The following LUZP2 variants were observed in gnomAD, a reference collection of about 807,000 sequenced individuals.
LUZP2 encodes leucine zipper protein 2.
LUZP2 carries 52 observed loss-of-function variants against 51.6 expected under a neutral mutation model. That is an observed-to-expected ratio of 1.01 (90% CI 0.81 to 1.27). The LOEUF is 1.27. Among genes scored for constraint, LUZP2 ranks in the 50% most tolerant of loss-of-function variants. The pLI is 0.00. For synonymous variants in LUZP2, 154 were observed against 137.3 expected (o/e 1.12, Z -0.85); for missense variants, 436 against 395.4 (o/e 1.10, Z -0.87).
rs376000489 is a variant in LUZP2 at position 24,886,245 on chromosome 11, C to T, written c.397-19746C>T. Among the ~76,000 whole-genome samples, 135 of 152,202 alleles carry T rather than the reference C, an allele frequency of 8.9e-4. 6 individuals carry two copies. In the South Asian group the frequency reaches 0.027, roughly 31 times the overall value. ...AACTAATTATCTTTCTCATGACTTG[C>T]ATATTATGTTTTTCTAATTTTAAAG... On this transcript the variant is annotated intron_variant, in intron 5 of 11. Transcript: ENST00000336930.
intron 5 of LUZP2, among the ~76,000 whole-genome samples, chr11:24,876,088 G>A (rs1394309887): frequency 1.3e-5 from 2 of 151,784 alleles, no homozygotes; most frequent in Non-Finnish European, 2.9e-5. Context: ...CTTTTGCTGT[G>A]CAGAAGCTCT....
chr11:24,971,080 G>A (rs1000389204), intron 7 of LUZP2, among the ~76,000 whole-genome samples: 1 of 152,124 alleles, frequency 6.6e-6, no homozygotes, highest in African/African-American at 2.4e-5. Flanking sequence ...TCACTTATAA[G>A]TAGGAGATAA....
intron 1 of LUZP2, among the ~76,000 whole-genome samples, chr11:24,715,616 G>A (rs775077229): frequency 6.6e-6 from 1 of 151,964 alleles, no homozygotes; most frequent in Non-Finnish European, 1.5e-5. Flanking sequence ...CATCCTATGC[G>A]TCATTCAAGG....
chr11:24,526,041 C>A (rs777314981), intron 1 of LUZP2, among the ~76,000 whole-genome samples: 1 of 151,432 alleles, frequency 6.6e-6, no homozygotes, highest in Middle Eastern at 3.4e-3. Flanking sequence ...GAGGTACTTT[C>A]AATATTTTTT....
chr11:25,058,585 G>T (rs1374965111), intron 10 of LUZP2, among the ~76,000 whole-genome samples: 10 of 152,078 alleles, frequency 6.6e-5, no homozygotes, highest in Non-Finnish European at 1.5e-4. Flanking sequence ...CTTGTATTTT[G>T]ATTATTTGTA....
intron 5 of LUZP2, among the ~76,000 whole-genome samples, chr11:24,832,360 A>C (rs1486728): frequency 0.34 from 52,195 of 151,742 alleles, 9,231 homozygotes; most frequent in African/African-American, 0.4. Context: ...ATAGTCTTGC[A>C]CGCTTACAGG....
chr11:24,882,296 A>G (rs1475832218), intron 5 of LUZP2, among the ~76,000 whole-genome samples: 1 of 151,888 alleles, frequency 6.6e-6, no homozygotes, highest in African/African-American at 2.4e-5. Context: ...AATCTTTTTA[A>G]AAGAATTTTG....
At chr11:24,640,332 C>T (rs1303795206) in intron 1 of LUZP2, among the ~76,000 whole-genome samples, 1 of 151,836 alleles carries the variant, frequency 6.6e-6, no homozygotes, top group Non-Finnish European at 1.5e-5. Context: ...TTATACAGTA[C>T]AAGAGATGAC....
chr11:24,694,221 C>T lies in LUZP2; in HGVS notation c.63-34948C>T, dbSNP rs112520508. Among the ~76,000 whole-genome samples, 1,140 of 152,092 alleles carry T rather than the reference C, an allele frequency of 7.5e-3. 16 individuals are homozygous for T. Among genetic ancestry groups the T allele is most frequent in the South Asian group, 0.034 (166 of 4,820 alleles). The stretch of plus-strand genomic sequence containing the variant: ...TGCTCACTGCTTGGCCCATGTAGAT[C>T]TCTTTGATATTCTTCCAATACATTA... On this transcript the variant is annotated intron_variant, in intron 1 of 11. Coordinates refer to ENST00000336930, the MANE Select transcript of LUZP2 (RefSeq NM_001009909.4).
rs1397805581 is a variant in LUZP2, at chr11:24,840,636, A to G, written c.397-65355A>G. Among the ~76,000 whole-genome samples the G allele has an allele frequency of 3.9e-5, 6 of 151,922 alleles. No individual in the cohort carries two copies. In the East Asian group the frequency reaches 1.2e-3, roughly 29 times the overall value. Reference sequence around the variant, plus strand: ...AAAAAGTGAATTGGAATATCTGGAGATGGGGGCTTAGGAATTATTTTTTAA... The same window carrying G: ...AAAAAGTGAATTGGAATATCTGGAGGTGGGGGCTTAGGAATTATTTTTTAA... On this transcript the variant is annotated intron_variant, in intron 5 of 11. Transcript: ENST00000336930.
At chr11:24,726,482 T>A (rs907091658) in intron 1 of LUZP2, among the ~76,000 whole-genome samples, 15 of 151,164 alleles carry the variant, frequency 9.9e-5, no homozygotes, top group Non-Finnish European at 1.8e-4. Context: ...AAAAAAAAAA[T>A]AAATACAAGA....
intron 1 of LUZP2, among the ~76,000 whole-genome samples, chr11:24,596,373 TA>T (rs1853445403): frequency 6.6e-6 from 1 of 152,194 alleles, no homozygotes; most frequent in African/African-American, 2.4e-5. Flanking sequence ...TGAAGATAGG[TA>T]AAATTCATAG....
chr11:25,025,478 G>A (rs1169019053), intron 9 of LUZP2, among the ~76,000 whole-genome samples: 2 of 151,972 alleles, frequency 1.3e-5, no homozygotes, highest in Admixed American at 6.6e-5. Context: ...ATCAACAATT[G>A]GGCAAAGGAT....
intron 1 of LUZP2, among the ~76,000 whole-genome samples, chr11:24,605,990 A>G (rs1303260680): frequency 6.6e-6 from 1 of 151,890 alleles, no homozygotes; most frequent in Non-Finnish European, 1.5e-5. Context: ...CCCACTTAGC[A>G]TAATGTCTTC....
chr11:24,888,211 G>C (rs973749812), intron 5 of LUZP2, among the ~76,000 whole-genome samples: 4 of 152,066 alleles, frequency 2.6e-5, no homozygotes, highest in African/African-American at 9.7e-5. Flanking sequence ...TCTTATGACT[G>C]CAGATGCCTC....
intron 9 of LUZP2, among the ~76,000 whole-genome samples, chr11:25,041,557 G>T (rs541494600): frequency 2.0e-5 from 3 of 152,042 alleles, no homozygotes; most frequent in African/African-American, 4.8e-5. Context: ...CATTTAAAGT[G>T]CTTACCAATC....
intron 4 of LUZP2, among the ~76,000 whole-genome samples, chr11:24,757,246 A>G (rs1363692655): frequency 1.3e-5 from 2 of 152,236 alleles, no homozygotes; most frequent in Non-Finnish European, 2.9e-5. Flanking sequence ...GAAATGATAT[A>G]CAAATAAAAT....
Position 25,007,407 on chromosome 11 carries a change from A to G in LUZP2, c.765+24114A>G, listed in dbSNP as rs141798241. On this transcript the variant is annotated intron_variant, in intron 9 of 11. Transcript: ENST00000336930. ...CACTTGAGGTCAGGAGTTCAAGACC[A>G]GCCTGGCTAACATGGTGAAACCCCA... is the stretch of plus-strand genomic sequence containing the variant. 5.8e-3 allele frequency among the ~76,000 whole-genome samples: 876 copies of G among 152,332 alleles called. 7 individuals are homozygous for G. Among genetic ancestry groups the G allele is most frequent in the African/African-American group, 0.02 (836 of 41,578 alleles).
chr11:24,697,292 T>G (rs1330421001), intron 1 of LUZP2, among the ~76,000 whole-genome samples: 1 of 152,072 alleles, frequency 6.6e-6, no homozygotes. Context: ...TGAATTAGAG[T>G]GTAAATAGGC....
Sources: gnomAD v4.1 joint callset for allele counts (sites outside exome capture counted in the v4.1 genomes callset) on GRCh38, gnomAD v4.1.1 for gene constraint, MANE v1.5 for transcripts, NCBI Gene and HGNC (gene_info 2026-07-23, HGNC 2026-07-21) for gene names.